The following NEIL3 variants were observed in gnomAD, a reference collection of about 807,000 sequenced individuals.
The protein encoded by NEIL3 is endonuclease 8-like 3.
In NEIL3, 48 loss-of-function variants were observed where a neutral mutation model predicts 57.5. That is an observed-to-expected ratio of 0.83 (90% CI 0.66 to 1.06). The LOEUF (loss-of-function observed/expected upper bound fraction) is 1.06. Among genes scored for constraint, NEIL3 ranks in the 50% least tolerant of loss-of-function variants. The pLI, the probability that NEIL3 is intolerant of heterozygous loss-of-function variation, is 0.00. For missense variants in NEIL3, 717 were observed against 739.1 expected (o/e 0.97, Z 0.35); for synonymous variants, 261 against 253.2 (o/e 1.03, Z -0.29).
intron 1 of NEIL3, among the ~76,000 whole-genome samples, chr4:177,316,098 G>T (rs943447709): frequency 2.0e-5 from 3 of 152,080 alleles, no homozygotes; most frequent in Non-Finnish European, 4.4e-5. Context: ...GGTACAGTAG[G>T]AGATTAATAG....
chr4:177,349,647 TTTGGGAGGCCATTATTCATCCTAC>T (rs1209088031), intron 6 of NEIL3, among the ~76,000 whole-genome samples: 2 of 152,212 alleles, frequency 1.3e-5, no homozygotes, highest in African/African-American at 2.4e-5. Context: ...GCCCTATGTC[TTTGGGAGGCCATTATTCATCCTAC>T]TACAAAACAT....
At chr4:177,336,031 C>A in intron 3 of NEIL3, 77 bp from the exon 4 acceptor site, 2 of 1,274,932 alleles carry the variant, frequency 1.6e-6, no homozygotes, top group Non-Finnish European at 2.2e-6. Context: ...GTGCTTATAG[C>A]AAAGCTCATT....
chr4:177,366,841 TTC>T (rs570848779), downstream of NEIL3, among the ~76,000 whole-genome samples: 310 of 152,326 alleles, frequency 2.0e-3, 2 homozygotes, highest in African/African-American at 7.1e-3. Flanking sequence ...CAGTCTATTT[TTC>T]TCTCTCTTTT....
At chr4:177,354,013 A>G (rs998057481) in intron 8 of NEIL3, 1 of 289,022 alleles carries the variant, frequency 3.5e-6, no homozygotes, top group Non-Finnish European at 6.4e-6. Flanking sequence ...TTATCTGCCC[A>G]CCTCCGCCTC....
chr4:177,349,162 G>A (rs758246182), intron 6 of NEIL3, among the ~76,000 whole-genome samples: 2 of 151,650 alleles, frequency 1.3e-5, no homozygotes, highest in Non-Finnish European at 2.9e-5. Context: ...GATTACAGGC[G>A]TGAGCCACCG....
intron 2 of NEIL3, among the ~76,000 whole-genome samples, chr4:177,328,900 A>G (rs1734829760): frequency 6.6e-6 from 1 of 152,028 alleles, no homozygotes; most frequent in South Asian, 2.1e-4. Flanking sequence ...ATGATGGTAC[A>G]CTAATGTTGT....
intron 8 of NEIL3, among the ~76,000 whole-genome samples, chr4:177,354,827 A>T (rs150895607): frequency 6.6e-6 from 1 of 152,226 alleles, no homozygotes; most frequent in South Asian, 2.1e-4. Context: ...GCTACTTTGT[A>T]TCTGAAATTC....
intron 8 of NEIL3, among the ~76,000 whole-genome samples, chr4:177,358,535 G>A (rs1452471397): frequency 1.3e-5 from 2 of 152,086 alleles, no homozygotes; most frequent in Non-Finnish European, 2.9e-5. Flanking sequence ...TTGAACTCTC[G>A]ACCTCAGGTG....
chr4:177,334,094 A>G (rs1192503597), intron 2 of NEIL3, among the ~76,000 whole-genome samples: 1 of 151,770 alleles, frequency 6.6e-6, no homozygotes, highest in Non-Finnish European at 1.5e-5. Flanking sequence ...AGCAAATGAA[A>G]CCCTAAAAAT....
chr4:177,368,259 G>C, the NEIL3 span, among the ~76,000 whole-genome samples: 1 of 152,000 alleles, frequency 6.6e-6, no homozygotes, highest in African/African-American at 2.4e-5. Context: ...ATTCCCATAA[G>C]TTCATTTTAA....
intron 6 of NEIL3, among the ~76,000 whole-genome samples, chr4:177,344,763 T>C (rs1173909915): frequency 6.6e-6 from 1 of 152,152 alleles, no homozygotes; most frequent in South Asian, 2.1e-4. Flanking sequence ...GGTTTCACCA[T>C]GTGGGCCAGG....
intron 4 of NEIL3, among the ~76,000 whole-genome samples, chr4:177,336,786 A>G (rs1734987077): frequency 6.6e-6 from 1 of 152,220 alleles, no homozygotes; most frequent in African/African-American, 2.4e-5. Flanking sequence ...CTAACTCACA[A>G]CTTATTTTCT....
downstream of NEIL3, among the ~76,000 whole-genome samples, chr4:177,365,878 T>C (rs1453362636): frequency 6.6e-6 from 1 of 152,180 alleles, no homozygotes; most frequent in Non-Finnish European, 1.5e-5. Flanking sequence ...TCCAGAGTCT[T>C]CACCATATAA....
intron 8 of NEIL3, among the ~76,000 whole-genome samples, chr4:177,360,286 G>A (rs1347730141): frequency 2.0e-5 from 3 of 152,148 alleles, no homozygotes; most frequent in East Asian, 1.9e-4. Flanking sequence ...GTTAAATTAC[G>A]TGTTTTAGGT....
chr4:177,324,016 G>A (rs1352129953), intron 2 of NEIL3, among the ~76,000 whole-genome samples: 4 of 152,274 alleles, frequency 2.6e-5, no homozygotes, highest in East Asian at 3.9e-4. Flanking sequence ...ACTATTGGAT[G>A]TAACAATTCA....
At chr4:177,341,771 C>A in intron 6 of NEIL3, 129 bp downstream of exon 6, 1 of 775,430 alleles carries the variant, frequency 1.3e-6, no homozygotes, top group Non-Finnish European at 1.9e-6. Context: ...TATTTTAGTC[C>A]TTGAAAGGAA....
Position 177,353,538 on chromosome 4 carries a change from G to A in NEIL3, c.1270G>A (p.Val424Ile). 1.2e-6 allele frequency: 2 copies of A among 1,613,064 alleles called. No individual in the cohort carries two copies. Among genetic ancestry groups the A allele is most frequent in the Non-Finnish European group, 1.7e-6 (2 of 1,179,376 alleles). ...EEFQNSPPASVCLNDIQHPSK... is the reference protein window; with the variant it reads ...EEFQNSPPASICLNDIQHPSK... The stretch of plus-strand genomic sequence containing the variant: ...GTTTCAAAACTCTCCTCCTGCTAGT[G>A]TTTGTTTGAATGATATACAGCACCC... Residue 424 changes from valine to isoleucine, a missense_variant, in exon 8 of 10, where the codon GTT becomes ATT. Val to Ile is a conservative substitution (Grantham distance 29). Transcript: ENST00000264596.
Position 177,320,951 on chromosome 4 carries a change from G to A in NEIL3, c.157-1508G>A, listed in dbSNP as rs527499207. 2.0e-5 allele frequency among the ~76,000 whole-genome samples: 3 copies of A among 150,124 alleles called. No homozygotes were observed. In the South Asian group the frequency reaches 6.3e-4, roughly 32 times the overall value. ...TGAATGGGTTTAGTGGAAGAATAGT[G>A]TCTGTCTCTTTTTTTTTTTTTTCTT... On this transcript the variant is annotated intron_variant, in intron 1 of 9. Transcript: ENST00000264596.
At chr4:177,327,217 G>A (rs1679597366) in intron 2 of NEIL3, among the ~76,000 whole-genome samples, 2 of 152,266 alleles carry the variant, frequency 1.3e-5, no homozygotes, top group South Asian at 4.1e-4. Context: ...GGAACTGCGA[G>A]TCAATTAAGC....
Sources: allele counts gnomAD v4.1 joint callset (sites outside exome capture counted in the v4.1 genomes callset), GRCh38; gene constraint gnomAD v4.1.1; transcripts MANE v1.5; gene names NCBI Gene and HGNC (gene_info 2026-07-23, HGNC 2026-07-21).